The following GADL1 variants were observed in gnomAD, a reference collection of about 807,000 sequenced individuals.
GADL1 encodes the protein GAD like acidic amino acid decarboxylase 1, also known as acidic amino acid decarboxylase GADL1.
GADL1 carries 71 observed loss-of-function variants against 69.5 expected under a neutral mutation model. That is an observed-to-expected ratio of 1.02 (90% CI 0.84 to 1.25). The LOEUF is 1.25. GADL1 is among the 50% of genes most tolerant of loss of function. The pLI, the probability that GADL1 is intolerant of heterozygous loss-of-function variation, is 0.00. For missense variants in GADL1, 737 were observed against 631.8 expected (o/e 1.17, Z -1.79); for synonymous variants, 254 against 214.4 (o/e 1.18, Z -1.62).
intron 14 of GADL1, among the ~76,000 whole-genome samples, chr3:30,750,018 A>C (rs1393489386): frequency 6.6e-6 from 1 of 152,154 alleles, no homozygotes; most frequent in Non-Finnish European, 1.5e-5. Flanking sequence ...TCATTCAATC[A>C]GCTGTGTGTT....
rs906837107 is a variant in GADL1, at chr3:30,884,936, T to C, written c.37+9642A>G. Among the ~76,000 whole-genome samples, 7 of 152,066 alleles carry C rather than the reference T, an allele frequency of 4.6e-5. No individual in the cohort carries two copies. In the East Asian group the frequency reaches 1.4e-3, roughly 29 times the overall value. On this transcript the variant is annotated intron_variant, in intron 1 of 14. Transcript: ENST00000282538. ...CCTTTATCGTATGGGGGCAGTGAAC[T>C]GATGGCTCATTGCTATTAGAGTCAG...
intron 6 of GADL1, among the ~76,000 whole-genome samples, chr3:30,846,066 A>C (rs1362351144): frequency 2.0e-5 from 3 of 152,034 alleles, no homozygotes; most frequent in African/African-American, 7.2e-5. Context: ...AAAAAAAAAA[A>C]AACAAAAAAC....
intron 14 of GADL1, among the ~76,000 whole-genome samples, chr3:30,743,243 C>T (rs1695652604): frequency 6.6e-6 from 1 of 152,136 alleles, no homozygotes; most frequent in Non-Finnish European, 1.5e-5. Flanking sequence ...CAACTTTCAT[C>T]TTCAAGCTCA....
chr3:30,798,806 G>A (rs527250969), intron 12 of GADL1: 85 of 152,340 alleles, frequency 5.6e-4, no homozygotes, highest in African/African-American at 2.0e-3. Flanking sequence ...TGGGGATACA[G>A]ATATTGGGTA....
At chr3:30,878,054 C>G (rs952859592) in intron 1 of GADL1, among the ~76,000 whole-genome samples, 4 of 151,826 alleles carry the variant, frequency 2.6e-5, no homozygotes, top group African/African-American at 9.7e-5. Context: ...AATTACCTGT[C>G]CTGGTGATAT....
intron 14 of GADL1, 30 bp downstream of exon 14, chr3:30,778,149 A>G (rs897821276): frequency 2.3e-6 from 3 of 1,289,088 alleles, no homozygotes; most frequent in African/African-American, 3.0e-5. Flanking sequence ...ACTTCATCAA[A>G]AAGAAAAATA....
intron 1 of GADL1, among the ~76,000 whole-genome samples, chr3:30,871,294 A>G (rs1162539910): frequency 6.6e-6 from 1 of 151,396 alleles, no homozygotes; most frequent in East Asian, 2.0e-4. Context: ...GGACTGGTGT[A>G]AAGTTTAGGT....
At chr3:30,803,591 G>C (rs1429230889) in intron 11 of GADL1, among the ~76,000 whole-genome samples, 2 of 152,202 alleles carry the variant, frequency 1.3e-5, no homozygotes, top group East Asian at 3.8e-4. Flanking sequence ...TGGAGAACAA[G>C]AGAGCCAAGA....
intron 14 of GADL1, among the ~76,000 whole-genome samples, chr3:30,772,767 T>G (rs555937134): frequency 2.3e-4 from 35 of 152,158 alleles, no homozygotes; most frequent in Non-Finnish European, 4.6e-4. Flanking sequence ...TCCCAGCAAC[T>G]TGGGAGGCTG....
intron 14 of GADL1, among the ~76,000 whole-genome samples, chr3:30,761,161 T>A (rs551400232): frequency 6.6e-6 from 1 of 152,238 alleles, no homozygotes; most frequent in Non-Finnish European, 1.5e-5. Context: ...CTTTATTTAC[T>A]TTAATAAAAT....
chr3:30,884,891 A>T (rs1389698505), intron 1 of GADL1, among the ~76,000 whole-genome samples: 4 of 152,008 alleles, frequency 2.6e-5, no homozygotes, highest in Non-Finnish European at 5.9e-5. Context: ...CTAGGAGGTA[A>T]GCAGTGTTGT....
chr3:30,843,618 C>G lies in GADL1; in HGVS notation c.786+592G>C, dbSNP rs182977720. 6.0e-4 allele frequency among the ~76,000 whole-genome samples: 92 copies of G among 152,298 alleles called. 1 individual carries two copies. The highest frequency in any genetic ancestry group is 6.8e-3 in the Middle Eastern group (2 of 294). ...AGCCTTGGCTGGAGCACAGCAGGTGCCCAGAGCCATGCCTTGCCTTCTCCA... is the reference window on the plus strand; with the variant it reads ...AGCCTTGGCTGGAGCACAGCAGGTGGCCAGAGCCATGCCTTGCCTTCTCCA... On this transcript the variant is annotated intron_variant, in intron 8 of 14. Coordinates refer to ENST00000282538, the MANE Select transcript of GADL1 (RefSeq NM_207359.3).
intron 14 of GADL1, among the ~76,000 whole-genome samples, chr3:30,769,589 A>G (rs1312456178): frequency 6.6e-6 from 1 of 152,136 alleles, no homozygotes; most frequent in Admixed American, 6.5e-5. Context: ...GAAGATAGAC[A>G]TCTTCAGAAC....
At chr3:30,785,610 T>C (rs1696772062) in intron 13 of GADL1, among the ~76,000 whole-genome samples, 1 of 152,150 alleles carries the variant, frequency 6.6e-6, no homozygotes, top group South Asian at 2.1e-4. Context: ...ACTCCTCACC[T>C]TGTGATGCCT....
intron 12 of GADL1, among the ~76,000 whole-genome samples, chr3:30,787,735 C>T (rs1246898909): frequency 6.6e-6 from 1 of 152,130 alleles, no homozygotes; most frequent in Non-Finnish European, 1.5e-5. Flanking sequence ...CCTCAAGTCT[C>T]TTACCTGTAA....
At chr3:30,849,272 T>C (rs565907749) in intron 6 of GADL1, among the ~76,000 whole-genome samples, 1 of 152,166 alleles carries the variant, frequency 6.6e-6, no homozygotes, top group East Asian at 1.9e-4. Context: ...TTGAGACTTA[T>C]AAGTGATAAT....
intron 14 of GADL1, among the ~76,000 whole-genome samples, chr3:30,732,888 C>G (rs1300321571): frequency 6.6e-6 from 1 of 152,106 alleles, no homozygotes; most frequent in Non-Finnish European, 1.5e-5. Flanking sequence ...TGAAATCTGT[C>G]TCTACTAAAA....
intron 14 of GADL1, among the ~76,000 whole-genome samples, chr3:30,732,698 A>G (rs1245153453): frequency 1.3e-5 from 2 of 152,212 alleles, no homozygotes; most frequent in Non-Finnish European, 2.9e-5. Context: ...TTTCCATAAA[A>G]TGACATTTCT....
At chr3:30,730,404 G>T (rs1336075960) in intron 14 of GADL1, among the ~76,000 whole-genome samples, 1 of 152,164 alleles carries the variant, frequency 6.6e-6, no homozygotes, top group Non-Finnish European at 1.5e-5. Context: ...CTAGGCAAGA[G>T]AACTGTAAAA....
Sources: allele counts gnomAD v4.1 joint callset (sites outside exome capture counted in the v4.1 genomes callset), GRCh38; gene constraint gnomAD v4.1.1; transcripts MANE v1.5; gene names NCBI Gene and HGNC (gene_info 2026-07-23, HGNC 2026-07-21).